Variants in N4BP2L2 observed in about 807,000 individuals in gnomAD.
The protein encoded by N4BP2L2 is NEDD4-binding protein 2-like 2.
A neutral mutation model predicts 56.2 loss-of-function variants in N4BP2L2; 50 were observed. The observed-to-expected ratio is 0.89, with a 90% CI of 0.71 to 1.13. N4BP2L2 has a LOEUF of 1.13. Ranked by LOEUF, N4BP2L2 falls within the 50% of genes most tolerant of loss-of-function variation. N4BP2L2 has a pLI of 0.00. For synonymous variants in N4BP2L2, 203 were observed against 223.6 expected (o/e 0.91, Z 0.82); for missense variants, 689 against 693.8 (o/e 0.99, Z 0.08).
chr13:32,468,268 C>CAAAAAAAAAAA (rs59875338), intron 6 of N4BP2L2, among the ~76,000 whole-genome samples: 2 of 103,998 alleles, frequency 1.9e-5, no homozygotes, highest in Non-Finnish European at 1.9e-5. Flanking sequence ...CAAAAAGAGA[C>CAAAAAAAAAAA]AAAAAAAAAA....
At chr13:32,534,108 G>GA (rs1239255706) in intron 2 of N4BP2L2, among the ~76,000 whole-genome samples, 3 of 151,992 alleles carry the variant, frequency 2.0e-5, no homozygotes, top group Non-Finnish European at 4.4e-5. Flanking sequence ...TCTATAAAAT[G>GA]AAAAAACAAC....
chr13:32,442,053 GAGAC>G (rs2138286259), intron 7 of N4BP2L2, among the ~76,000 whole-genome samples: 1 of 152,336 alleles, frequency 6.6e-6, no homozygotes, highest in African/African-American at 2.4e-5. Flanking sequence ...TACAGCCTGG[GAGAC>G]AGAGCGATAA....
chr13:32,443,935 C>T (rs1269075032), exon 7 of N4BP2L2: 1 of 1,594,704 alleles, frequency 6.3e-7, no homozygotes, highest in East Asian at 2.2e-5. Context: ...TTCTGATTCT[C>T]TTCTGGTCTT....
intron 6 of N4BP2L2, among the ~76,000 whole-genome samples, chr13:32,504,339 G>A (rs1038836526): frequency 2.0e-5 from 3 of 152,196 alleles, no homozygotes; most frequent in Non-Finnish European, 4.4e-5. Flanking sequence ...CCAAGATTAA[G>A]ATGTCCACAG....
chr13:32,435,589 T>G (rs1424369254), intron 9 of N4BP2L2, among the ~76,000 whole-genome samples: 1 of 152,146 alleles, frequency 6.6e-6, no homozygotes, highest in Non-Finnish European at 1.5e-5. Context: ...GAATTCCTCA[T>G]TGTCTCTCAT....
At chr13:32,437,836 T>G (rs1407063548) in intron 8 of N4BP2L2, among the ~76,000 whole-genome samples, 4 of 152,192 alleles carry the variant, frequency 2.6e-5, no homozygotes, top group Non-Finnish European at 5.9e-5. Context: ...CTCCACAAAG[T>G]TAGGGAATTA....
chr13:32,436,407 T>A lies in N4BP2L2; in HGVS notation c.2191-2A>T. On this transcript the variant is annotated splice_acceptor_variant, in intron 8 of 9. Transcript: ENST00000357505. LOFTEE classifies it high-confidence loss of function. ...TCAACCAATCTTCTTCTGTCTTTTCTAGAAATTATAATTAAAATACATAAA... is the reference window on the plus strand; with the variant it reads ...TCAACCAATCTTCTTCTGTCTTTTCAAGAAATTATAATTAAAATACATAAA... 1 of 1,187,140 alleles carries A rather than the reference T, an allele frequency of 8.4e-7. No individual in the cohort carries two copies. 73.5% of individuals were successfully genotyped at this position (1,187,140 alleles called of 1,614,324 possible).
intron 6 of N4BP2L2, among the ~76,000 whole-genome samples, chr13:32,458,543 G>A (rs1360194542): frequency 2.0e-5 from 3 of 152,134 alleles, no homozygotes; most frequent in Admixed American, 6.5e-5. Context: ...AGACAGAGAA[G>A]GTCATTATAT....
chr13:32,524,592 T>C (rs1328199900), intron 3 of N4BP2L2: 2 of 152,224 alleles, frequency 1.3e-5, no homozygotes, highest in Non-Finnish European at 2.9e-5. Context: ...ATTTCAATAA[T>C]AAACATGAAG....
exon 6 of N4BP2L2, chr13:32,517,420 G>T (rs2049473749): frequency 5.0e-6 from 5 of 998,394 alleles, no homozygotes; most frequent in Non-Finnish European, 6.0e-6. Flanking sequence ...AGGTAGTGAA[G>T]GAAAAACCGT....
chr13:32,529,873 G>A (rs980086355), intron 2 of N4BP2L2, among the ~76,000 whole-genome samples: 1 of 151,640 alleles, frequency 6.6e-6, no homozygotes, highest in Non-Finnish European at 1.5e-5. Context: ...CTACAGGCAC[G>A]TGCCATCACG....
exon 6 of N4BP2L2, chr13:32,517,117 C>T (rs1179005379): frequency 4.1e-6 from 4 of 983,710 alleles, no homozygotes; most frequent in Non-Finnish European, 4.8e-6. Flanking sequence ...TCACTTTATC[C>T]CTTCAAGAAC....
At chr13:32,486,119 A>G (rs747080722) in intron 6 of N4BP2L2, among the ~76,000 whole-genome samples, 67 of 152,290 alleles carry the variant, frequency 4.4e-4, no homozygotes, top group Non-Finnish European at 7.5e-4. Context: ...GAAGCTCCCC[A>G]ATCTGATATA....
At chr13:32,532,107 C>T (rs2054981797) in intron 2 of N4BP2L2, among the ~76,000 whole-genome samples, 1 of 152,188 alleles carries the variant, frequency 6.6e-6, no homozygotes, top group Admixed American at 6.5e-5. Flanking sequence ...ATTGCAAGAT[C>T]CTTAATCAAA....
At chr13:32,450,870 T>TC (rs2077884632) in intron 6 of N4BP2L2, among the ~76,000 whole-genome samples, 1 of 59,962 alleles carries the variant, frequency 1.7e-5, no homozygotes, top group Admixed American at 1.9e-4. Context: ...CCCCATCCCC[T>TC]TCTCTCTCTC....
chr13:32,536,802 T>C, exon 2 of N4BP2L2: 6 of 1,614,100 alleles, frequency 3.7e-6, no homozygotes, highest in Non-Finnish European at 5.1e-6. Flanking sequence ...TGCAAATCTG[T>C]AGTTTTGATT....
At chr13:32,502,127 G>C (rs1387556719) in intron 6 of N4BP2L2, among the ~76,000 whole-genome samples, 2 of 147,214 alleles carry the variant, frequency 1.4e-5, no homozygotes, top group African/African-American at 5.1e-5. Flanking sequence ...ACAGTGGCAC[G>C]ATCTCGGCTC....
At chr13:32,446,357 A>G (rs1282801633) in intron 6 of N4BP2L2, 1 of 1,365,264 alleles carries the variant, frequency 7.3e-7, no homozygotes, top group Admixed American at 1.9e-5. Flanking sequence ...GGCCAGTTCT[A>G]CCTGATTCCA....
At position 32,434,813 on chromosome 13, in the gene N4BP2L2, A is replaced by C. The variant is rs9315164; in HGVS notation, c.*21+1548T>G. On this transcript the variant is annotated intron_variant, in intron 9 of 9. Transcript: ENST00000357505. ...CTGCACATAGCTATAGCACTCATAA[A>C]ATTCCCTAAAAAGAAAAAAATAATA... is the stretch of plus-strand genomic sequence containing the variant. Among the ~76,000 whole-genome samples the C allele has an allele frequency of 5.6e-3, 848 of 152,300 alleles. 12 individuals carry two copies. Among genetic ancestry groups the C allele is most frequent in the African/African-American group, 0.019 (810 of 41,566 alleles).
Sources: allele counts gnomAD v4.1 joint callset (sites outside exome capture counted in the v4.1 genomes callset), GRCh38; gene constraint gnomAD v4.1.1; transcripts MANE v1.5; gene names NCBI Gene and HGNC (gene_info 2026-07-23, HGNC 2026-07-21).